DSCAM: variants seen among roughly 807,000 people sequenced by gnomAD.
The protein encoded by DSCAM is cell adhesion molecule DSCAM.
Under a neutral mutation model 217.7 loss-of-function variants are expected in DSCAM, and 47 were observed. The ratio of observed to expected loss-of-function variants is 0.22; its 90% CI spans 0.17 to 0.28. The LOEUF is 0.28. Ranked by LOEUF, DSCAM falls within the 10% of genes least tolerant of loss-of-function variation. The pLI, the probability that DSCAM is intolerant of heterozygous loss-of-function variation, is 1.00. For missense variants in DSCAM, 2,080 were observed against 2,618.3 expected (o/e 0.79, Z 4.49); for synonymous variants, 1,056 against 1,015.3 (o/e 1.04, Z -0.76).
intron 3 of DSCAM, among the ~76,000 whole-genome samples, chr21:40,471,079 C>T (rs147110225): frequency 8.0e-4 from 121 of 152,178 alleles, no homozygotes; most frequent in African/African-American, 2.6e-3. Flanking sequence ...TGTGTCAGAG[C>T]GGATAAAAAC....
chr21:40,322,772 G>A (rs573125340), intron 8 of DSCAM, among the ~76,000 whole-genome samples: 4 of 152,230 alleles, frequency 2.6e-5, no homozygotes, highest in African/African-American at 4.8e-5. Context: ...TGATTTACCC[G>A]CCTCGGCCTC....
At chr21:40,731,326 G>T (rs1210459346) in intron 1 of DSCAM, among the ~76,000 whole-genome samples, 1 of 152,196 alleles carries the variant, frequency 6.6e-6, no homozygotes, top group Non-Finnish European at 1.5e-5. Context: ...TACCAGGACA[G>T]ACACTGCATG....
chr21:40,535,236 G>A (rs184763025), intron 3 of DSCAM, among the ~76,000 whole-genome samples: 1 of 152,292 alleles, frequency 6.6e-6, no homozygotes, highest in Admixed American at 6.5e-5. Flanking sequence ...AGTGCTTCAT[G>A]TGAATAAGCA....
intron 9 of DSCAM, among the ~76,000 whole-genome samples, chr21:40,299,543 A>G (rs898948338): frequency 1.7e-4 from 26 of 152,150 alleles, no homozygotes; most frequent in Non-Finnish European, 2.9e-4. Context: ...TGGGAAAAGT[A>G]GTAATAAGTT....
chr21:40,775,564 C>T (rs1407034181), intron 1 of DSCAM, among the ~76,000 whole-genome samples: 4 of 152,152 alleles, frequency 2.6e-5, no homozygotes, highest in Admixed American at 6.5e-5. Flanking sequence ...AAGCTTACAA[C>T]GGATTCTGAG....
At chr21:40,369,385 C>CGTGTTT in intron 3 of DSCAM, 140 bp from the exon 4 acceptor site, 1 of 384,510 alleles carries the variant, frequency 2.6e-6, no homozygotes, top group Non-Finnish European at 4.5e-6. Context: ...CGTGCGTCTG[C>CGTGTTT]GTGTGTGTGT....
At chr21:40,766,417 G>A (rs1206826213) in intron 1 of DSCAM, among the ~76,000 whole-genome samples, 1 of 152,046 alleles carries the variant, frequency 6.6e-6, no homozygotes, top group African/African-American at 2.4e-5. Context: ...AAGGGAAGAT[G>A]ACACATAACT....
intron 24 of DSCAM, among the ~76,000 whole-genome samples, chr21:40,080,720 C>A (rs915489584): frequency 6.6e-6 from 1 of 152,126 alleles, no homozygotes; most frequent in Non-Finnish European, 1.5e-5. Flanking sequence ...GCAAGACACT[C>A]GAATCTCTGG....
chr21:40,140,890 G>C (rs182398502), intron 18 of DSCAM, among the ~76,000 whole-genome samples: 1 of 151,524 alleles, frequency 6.6e-6, no homozygotes, highest in Non-Finnish European at 1.5e-5. Context: ...GCTCAGTGTC[G>C]AGTGGGTGTT....
At chr21:40,535,336 T>C (rs2076487014) in intron 3 of DSCAM, among the ~76,000 whole-genome samples, 1 of 152,186 alleles carries the variant, frequency 6.6e-6, no homozygotes, top group Non-Finnish European at 1.5e-5. Context: ...AACCATAATG[T>C]CAGACAAAAA....
At chr21:40,151,609 T>A (rs2090423867) in intron 16 of DSCAM, among the ~76,000 whole-genome samples, 1 of 152,184 alleles carries the variant, frequency 6.6e-6, no homozygotes, top group African/African-American at 2.4e-5. Context: ...GTAAGAATGA[T>A]CACAGGTACA....
At chr21:40,278,857 G>A (rs986875261) in intron 10 of DSCAM, among the ~76,000 whole-genome samples, 1 of 152,174 alleles carries the variant, frequency 6.6e-6, no homozygotes, top group African/African-American at 2.4e-5. Context: ...AAATAAGATA[G>A]TCTAAAAAAC....
intron 2 of DSCAM, among the ~76,000 whole-genome samples, chr21:40,704,232 T>A (rs1019573037): frequency 6.6e-6 from 1 of 152,194 alleles, no homozygotes; most frequent in Non-Finnish European, 1.5e-5. Context: ...ATCTTTCTAC[T>A]GTCTCTCTAG....
At chr21:40,428,232 CTTTGTGTGTGTGTGTGTG>C in intron 3 of DSCAM, among the ~76,000 whole-genome samples, 1 of 129,532 alleles carries the variant, frequency 7.7e-6, no homozygotes, top group East Asian at 2.3e-4. Flanking sequence ...AGGGCAAATA[CTTTGTGTGTGTGTGTGTG>C]TGTGTGTGTG....
intron 32 of DSCAM, among the ~76,000 whole-genome samples, chr21:40,033,087 C>T (rs1859999335): frequency 6.6e-6 from 1 of 152,180 alleles, no homozygotes; most frequent in Admixed American, 6.5e-5. Context: ...TAACCAGTTT[C>T]AGTGGTGAGA....
At chr21:40,336,672 A>G (rs75240763) in intron 8 of DSCAM, among the ~76,000 whole-genome samples, 4,844 of 152,352 alleles carry the variant, frequency 0.032, 113 homozygotes, top group African/African-American at 0.069. Flanking sequence ...GCAATGAACC[A>G]TTAAGATACT....
At chr21:40,237,723 T>C (rs921005240) in intron 11 of DSCAM, among the ~76,000 whole-genome samples, 2 of 152,228 alleles carry the variant, frequency 1.3e-5, no homozygotes, top group African/African-American at 4.8e-5. Context: ...CCTTTGGGTA[T>C]GTACCTAGTA....
At chr21:40,620,936 A>G (rs763074630) in intron 3 of DSCAM, among the ~76,000 whole-genome samples, 24 of 152,230 alleles carry the variant, frequency 1.6e-4, no homozygotes, top group Non-Finnish European at 2.9e-5. Flanking sequence ...GTGTGACGAC[A>G]TTGATGGATC....
intron 11 of DSCAM, among the ~76,000 whole-genome samples, chr21:40,223,107 A>G (rs2091302587): frequency 6.6e-6 from 1 of 152,116 alleles, no homozygotes; most frequent in Non-Finnish European, 1.5e-5. Flanking sequence ...TCCTGACACC[A>G]GGAGACCTGC....
Sources: gnomAD v4.1 joint callset for allele counts (sites outside exome capture counted in the v4.1 genomes callset) on GRCh38, gnomAD v4.1.1 for gene constraint, MANE v1.5 for transcripts, NCBI Gene and HGNC (gene_info 2026-07-23, HGNC 2026-07-21) for gene names.